The following OTUD7A variants were observed in gnomAD, a reference collection of about 807,000 sequenced individuals.
OTUD7A encodes OTU deubiquitinase 7A, also known as OTU domain-containing protein 7A.
OTUD7A carries 12 observed loss-of-function variants against 65.7 expected under a neutral mutation model. The ratio of observed to expected loss-of-function variants is 0.18; its 90% CI spans 0.12 to 0.30. The LOEUF (loss-of-function observed/expected upper bound fraction) is 0.30, where lower values mean the gene tolerates loss of function less well. Ranked by LOEUF, OTUD7A falls within the 10% of genes least tolerant of loss-of-function variation. OTUD7A has a pLI of 1.00. For missense variants in OTUD7A, 1,148 were observed against 1,304.8 expected, an observed-to-expected ratio of 0.88 and a Z score of 1.85; for synonymous variants, 641 against 586.3, an observed-to-expected ratio of 1.09 and a Z score of -1.35.
At chr15:31,513,936 G>C (rs2041801431) in intron 8 of OTUD7A, among the ~76,000 whole-genome samples, 1 of 152,142 alleles carries the variant, frequency 6.6e-6, no homozygotes. Context: ...TAATCCATTA[G>C]TGTGATTATG....
chr15:31,626,465 T>A (rs1463225737), intron 3 of OTUD7A, among the ~76,000 whole-genome samples: 1 of 152,158 alleles, frequency 6.6e-6, no homozygotes, highest in Non-Finnish European at 1.5e-5. Context: ...AATAGTATAC[T>A]AGTGGGGAAA....
At chr15:31,629,137 G>A (rs928133015) in intron 3 of OTUD7A, among the ~76,000 whole-genome samples, 61 of 152,198 alleles carry the variant, frequency 4.0e-4, no homozygotes, top group Middle Eastern at 3.4e-3. Flanking sequence ...ATGTTGAATC[G>A]GAGTGGTGAG....
In OTUD7A at chr15:31,487,213, C is replaced by G; in HGVS notation, c.1352G>C (p.Arg451Pro). ...GCTCACCCGTGTCTCGGAGGGGATC[C>G]GGATCCACGTCACGTTCATGTAGCT... is the stretch of plus-strand genomic sequence containing the variant. ...LHSYMNVTWI[R>P]IPSETRAPLA... The change falls in exon 12 of 13, where the codon CGG becomes CCG. Residue 451 changes from arginine (R) to proline (P), a missense_variant. By Grantham distance (103) the Arg-to-Pro change is moderately radical. Coordinates refer to ENST00000307050, the MANE Select transcript of OTUD7A (RefSeq NM_001382637.1). This position sits in a 1 kb window ranked among gnomAD's most constrained non-coding sequence, Gnocchi z 6.0. 2.5e-6 allele frequency: 4 copies of G among 1,613,936 alleles called. No individual in the cohort carries two copies. Among genetic ancestry groups the G allele is most frequent in the Non-Finnish European group, 3.4e-6 (4 of 1,179,984 alleles).
intron 1 of OTUD7A, among the ~76,000 whole-genome samples, chr15:31,783,903 C>T (rs942291100): frequency 3.9e-5 from 6 of 152,104 alleles, no homozygotes; most frequent in Non-Finnish European, 8.8e-5. Flanking sequence ...ATTTTATTAT[C>T]GATGATAAAA....
intron 3 of OTUD7A, among the ~76,000 whole-genome samples, chr15:31,651,894 A>G (rs1245159383): frequency 6.6e-6 from 1 of 152,066 alleles, no homozygotes; most frequent in Non-Finnish European, 1.5e-5. Context: ...ACTGAAAGAC[A>G]TAACATAGGA....
At chr15:31,767,605 T>C in intron 1 of OTUD7A, 3 of 814,010 alleles carry the variant, frequency 3.7e-6, no homozygotes, top group Non-Finnish European at 6.6e-6. Context: ...ATGGCACACC[T>C]AAAATAGTTT....
intron 1 of OTUD7A, among the ~76,000 whole-genome samples, chr15:31,760,766 A>G (rs2140903136): frequency 6.6e-6 from 1 of 152,332 alleles, no homozygotes; most frequent in South Asian, 2.1e-4. Context: ...CTCGAAAAAC[A>G]AAGGAGGACT....
intron 1 of OTUD7A, among the ~76,000 whole-genome samples, chr15:31,814,441 G>T (rs997109580): frequency 3.3e-5 from 5 of 152,294 alleles, no homozygotes; most frequent in Non-Finnish European, 7.3e-5. Flanking sequence ...CCCTGTTCAT[G>T]TGACACGTCC....
intron 1 of OTUD7A, among the ~76,000 whole-genome samples, chr15:31,784,890 T>C (rs1427244281): frequency 2.0e-5 from 3 of 151,478 alleles, no homozygotes; most frequent in African/African-American, 7.3e-5. Flanking sequence ...TGAGAAAGAG[T>C]AGGGGAAGGT....
At chr15:31,759,290 A>C (rs982567148) in intron 1 of OTUD7A, among the ~76,000 whole-genome samples, 1 of 152,188 alleles carries the variant, frequency 6.6e-6, no homozygotes, top group African/African-American at 2.4e-5. Flanking sequence ...CCCACTGATA[A>C]ATTTTTTAAA....
chr15:31,492,902 A>G (rs1043733452), intron 10 of OTUD7A, among the ~76,000 whole-genome samples: 5 of 152,168 alleles, frequency 3.3e-5, no homozygotes, highest in African/African-American at 1.2e-4. Flanking sequence ...AAACCCACAT[A>G]TATGCTGTCT....
rs1555396371 is a variant in OTUD7A, at chr15:31,559,096, C to G, written c.423G>C (p.Gln141His). The change falls in exon 5 of 13, where the codon CAG (glutamine) becomes CAC (histidine). Residue 141 changes from glutamine to histidine, a missense_variant. Physicochemically the swap from Gln to His is conservative, Grantham distance 24. This residue lies in a region of OTUD7A where 134 missense variants were observed against 252.6 expected (regional missense o/e 0.53). Transcript: ENST00000307050. The part of the protein sequence containing the change: ...SHVASECNNE[Q>H]FPLEMPIYTF... Reference sequence around the variant, plus strand: ...TGTAGATTGGCATCTCCAGGGGGAACTGCTCGTTGTTGCATTCACTTGCCA... The same window carrying G: ...TGTAGATTGGCATCTCCAGGGGGAAGTGCTCGTTGTTGCATTCACTTGCCA... 30 of 1,613,180 alleles carry G rather than the reference C, an allele frequency of 1.9e-5. No individual in the cohort carries two copies. The highest frequency in any genetic ancestry group is 2.5e-5 in the Non-Finnish European group (29 of 1,179,684).
intron 3 of OTUD7A, among the ~76,000 whole-genome samples, chr15:31,574,143 C>A (rs563035153): frequency 1.2e-4 from 19 of 152,062 alleles, no homozygotes; most frequent in African/African-American, 4.6e-4. Context: ...TACATAAAGG[C>A]AAACTTATAT....
chr15:31,614,756 A>G (rs916811202), intron 3 of OTUD7A, among the ~76,000 whole-genome samples: 7 of 152,190 alleles, frequency 4.6e-5, no homozygotes, highest in African/African-American at 1.7e-4. Context: ...ATAAAGAACA[A>G]CGGAAAATCA....
At chr15:31,654,962 T>C (rs2141277732) in intron 3 of OTUD7A, 134 bp downstream of exon 3, 1 of 1,043,976 alleles carries the variant, frequency 9.6e-7, no homozygotes, top group Non-Finnish European at 1.3e-6. Context: ...TTTGACTTAA[T>C]ATCGGTAAGA....
chr15:31,609,070 GA>G lies in OTUD7A; in HGVS notation c.152-38874del, dbSNP rs1319287311. On this transcript the variant is annotated intron_variant, in intron 3 of 12. Transcript: ENST00000307050. ...AGCTGAGCGAAATACAGGGGTAGAG[GA>G]GGCAGCGGGAAAGGCCCTGGGAGCT... Among the ~76,000 whole-genome samples the G allele has an allele frequency of 5.9e-5, 9 of 152,208 alleles. 1 individual carries two copies. The highest frequency in any genetic ancestry group is 5.9e-4 in the Admixed American group (9 of 15,288).
At chr15:31,816,888 C>A (rs2140967856) in intron 1 of OTUD7A, among the ~76,000 whole-genome samples, 1 of 152,248 alleles carries the variant, frequency 6.6e-6, no homozygotes, top group Non-Finnish European at 1.5e-5. Context: ...AGCAAGGGCA[C>A]TTGAGAGGGG....
At chr15:31,831,831 A>T (rs1256335145) in intron 1 of OTUD7A, among the ~76,000 whole-genome samples, 1 of 152,254 alleles carries the variant, frequency 6.6e-6, no homozygotes, top group African/African-American at 2.4e-5. Context: ...CTGATAAAGC[A>T]GCGGCACAGA....
At chr15:31,765,102 T>C (rs554361590) in intron 1 of OTUD7A, among the ~76,000 whole-genome samples, 85 of 152,288 alleles carry the variant, frequency 5.6e-4, no homozygotes, top group African/African-American at 1.9e-3. Flanking sequence ...TACATCCTCA[T>C]CTTCTAATAG....
Sources: allele counts gnomAD v4.1 joint callset (sites outside exome capture counted in the v4.1 genomes callset), GRCh38; gene constraint gnomAD v4.1.1; regional missense constraint gnomAD v4.1.1; non-coding constraint Gnocchi (gnomAD v3.1); transcripts MANE v1.5; gene names NCBI Gene and HGNC (gene_info 2026-07-23, HGNC 2026-07-21).